Variants in DNAJB5 observed in about 807,000 individuals in gnomAD.
DNAJB5 encodes dnaJ homolog subfamily B member 5.
A neutral mutation model predicts 32.6 loss-of-function variants in DNAJB5; 12 were observed. That is an observed-to-expected ratio of 0.37 (90% CI 0.24 to 0.60). DNAJB5 has a LOEUF of 0.60. Ranked by LOEUF, DNAJB5 falls within the 20% of genes least tolerant of loss-of-function variation. DNAJB5 has a pLI of 0.71. For synonymous variants in DNAJB5, 188 were observed against 212.9 expected (o/e 0.88, Z 1.02); for missense variants, 358 against 554.2 (o/e 0.65, Z 3.55).
In DNAJB5 at chr9:34,996,471, G is replaced by A. The variant is rs781541135; in HGVS notation, c.634G>A (p.Ala212Thr). The change falls in exon 4 of 5, where the codon GCT (alanine) becomes ACT (threonine). Residue 212 changes from alanine (A) to threonine (T), a missense_variant. Transcript: ENST00000682809. The surrounding 1 kb of genome is among the most constrained non-coding windows in gnomAD (Gnocchi z 7.2). ...GGATGAAGATGAGGACCCATTTGGC[G>A]CTTTCGGCCGTTTTGGCTTCAATGG... Reference protein sequence around the residue: ...DVDEDEDPFGAFGRFGFNGLS... With the variant: ...DVDEDEDPFGTFGRFGFNGLS... 11 of 1,614,010 alleles carry A rather than the reference G, an allele frequency of 6.8e-6. No homozygotes were observed. The highest frequency in any genetic ancestry group is 4.5e-5 in the East Asian group (2 of 44,890).
Position 34,997,335 on chromosome 9 carries a change from G to T in DNAJB5, c.*76G>T. 2 of 1,452,098 alleles carry T rather than the reference G, an allele frequency of 1.4e-6. No homozygotes were observed. The highest frequency in any genetic ancestry group is 1.1e-5 in the South Asian group (1 of 87,658). The allele number at this position is 1,452,098 out of a possible 1,614,324, so 90.0% of individuals were successfully genotyped here. A position where few individuals can be genotyped will look rare whatever the true frequency, so the allele number is the denominator to read the frequency against. Reference sequence around the variant, plus strand: ...ACTCCACTCAATGTGCACCCAGCTTGATGTCCACTGGACACTGGCAACTTT... The same window carrying T: ...ACTCCACTCAATGTGCACCCAGCTTTATGTCCACTGGACACTGGCAACTTT... On this transcript the variant is annotated 3_prime_UTR_variant, in exon 5 of 5. Coordinates refer to ENST00000682809, the MANE Select transcript of DNAJB5 (RefSeq NM_001349723.3). This position sits in a 1 kb window ranked among gnomAD's most constrained non-coding sequence, Gnocchi z 4.1.
Position 34,996,471 on chromosome 9 carries a change from G to T in DNAJB5, c.634G>T (p.Ala212Ser), listed in dbSNP as rs781541135. 1 of 1,614,128 alleles carries T rather than the reference G, an allele frequency of 6.2e-7. No homozygotes were observed. Among genetic ancestry groups the T allele is most frequent in the Non-Finnish European group, 8.5e-7 (1 of 1,180,026 alleles). The change falls in exon 4 of 5, where the codon GCT becomes TCT. Residue 212 changes from alanine (A) to serine (S), a missense_variant. Physicochemically the swap from Ala to Ser is moderately conservative, Grantham distance 99. Coordinates refer to ENST00000682809, the MANE Select transcript of DNAJB5 (RefSeq NM_001349723.3). The surrounding 1 kb of genome is among the most constrained non-coding windows in gnomAD (Gnocchi z 7.2). ...GGATGAAGATGAGGACCCATTTGGC[G>T]CTTTCGGCCGTTTTGGCTTCAATGG... ...DVDEDEDPFG[A>S]FGRFGFNGLS...
chr9:34,995,752 C>T (rs1315395056), intron 3 of DNAJB5, among the ~76,000 whole-genome samples: 1 of 152,238 alleles, frequency 6.6e-6, no homozygotes, highest in African/African-American at 2.4e-5. Flanking sequence ...CTGCTAGAAG[C>T]AGAGTGAAAG....
chr9:34,990,159 C>T lies in DNAJB5; in HGVS notation c.-133+328C>T. On this transcript the variant is annotated intron_variant, in intron 1 of 4. Transcript: ENST00000682809. This position sits in a 1 kb window ranked among gnomAD's most constrained non-coding sequence, Gnocchi z 4.5. Reference sequence around the variant, plus strand: ...GACCACCCTCCCCCGCCCGAGCCCCCTCCCCTCCTCTCCTCGCCGCGCCTT... The same window carrying T: ...GACCACCCTCCCCCGCCCGAGCCCCTTCCCCTCCTCTCCTCGCCGCGCCTT... The T allele has an allele frequency of 2.2e-6, 2 of 921,804 alleles. No homozygotes were observed. Among genetic ancestry groups the T allele is most frequent in the South Asian group, 3.5e-5 (2 of 57,900 alleles). 57.1% of individuals were successfully genotyped at this position (921,804 alleles called of 1,614,324 possible).
intron 2 of DNAJB5, chr9:34,991,585 A>T: frequency 3.0e-6 from 1 of 334,324 alleles, no homozygotes. Context: ...AGGGGAAAGA[A>T]GGTGTGGGTT....
Position 34,996,476 on chromosome 9 carries a change from C to T in DNAJB5, c.639C>T (p.Phe213=), listed in dbSNP as rs1275952532. The T allele has an allele frequency of 2.1e-5, 34 of 1,614,010 alleles. No individual in the cohort carries two copies. Among genetic ancestry groups the T allele is most frequent in the Non-Finnish European group, 2.5e-5 (30 of 1,180,030 alleles). The change falls in exon 4 of 5, where the codon TTC becomes TTT. Residue 213 remains phenylalanine, a synonymous_variant. Transcript: ENST00000682809. This position sits in a 1 kb window ranked among gnomAD's most constrained non-coding sequence, Gnocchi z 7.2. The stretch of plus-strand genomic sequence containing the variant: ...AAGATGAGGACCCATTTGGCGCTTT[C>T]GGCCGTTTTGGCTTCAATGGGCTGA... The part of the protein sequence containing the change: ...VDEDEDPFGA[F]GRFGFNGLSR...
intron 2 of DNAJB5, chr9:34,991,677 C>CG (rs948855451): frequency 1.1e-5 from 3 of 260,984 alleles, no homozygotes; most frequent in South Asian, 2.9e-5. Flanking sequence ...TGCCCCCCCC[C>CG]CCAACGAGGT....
chr9:34,996,179 T>C lies in DNAJB5; in HGVS notation c.428-86T>C. The C allele has an allele frequency of 2.0e-6, 3 of 1,518,966 alleles. No individual in the cohort carries two copies. The highest frequency in any genetic ancestry group is 2.6e-6 in the Non-Finnish European group (3 of 1,135,594). 94.1% of individuals were successfully genotyped at this position (1,518,966 alleles called of 1,614,324 possible). ...AAGGTTGCTTCTTTCTTTAAGCCTG[T>C]GAACTGGGAGCTAGAGGGCAGGGGG... On this transcript the variant is annotated intron_variant, in intron 3 of 4. Coordinates refer to ENST00000682809, the MANE Select transcript of DNAJB5 (RefSeq NM_001349723.3). This position sits in a 1 kb window ranked among gnomAD's most constrained non-coding sequence, Gnocchi z 7.2.
downstream of DNAJB5, chr9:34,998,753 G>A (rs1349677967): frequency 2.6e-5 from 4 of 151,164 alleles, no homozygotes; most frequent in East Asian, 5.8e-4. Flanking sequence ...AATTTTCTCT[G>A]AGTCAGACAA....
Position 34,997,371 on chromosome 9 carries a change from C to CA in DNAJB5, c.*120dup, listed in dbSNP as rs759655154. 229 of 1,027,460 alleles carry CA rather than the reference C, an allele frequency of 2.2e-4. No individual in the cohort carries two copies. Among genetic ancestry groups the CA allele is most frequent in the Non-Finnish European group, 3.1e-4 (214 of 682,076 alleles). The allele number at this position is 1,027,460 out of a possible 1,614,324, so 63.6% of individuals were successfully genotyped here. On this transcript the variant is annotated 3_prime_UTR_variant, in exon 5 of 5. Coordinates refer to ENST00000682809, the MANE Select transcript of DNAJB5 (RefSeq NM_001349723.3). This position sits in a 1 kb window ranked among gnomAD's most constrained non-coding sequence, Gnocchi z 4.1. The stretch of plus-strand genomic sequence containing the variant: ...GACACTGGCAACTTTTTCTAAAATG[C>CA]AAAAAAAAGCCACTGGTTTTCAGGA...
Position 34,993,548 on chromosome 9 carries a change from A to G in DNAJB5, c.427+104A>G, listed in dbSNP as rs1392180146. 2 of 1,445,328 alleles carry G rather than the reference A, an allele frequency of 1.4e-6. No homozygotes were observed. The highest frequency in any genetic ancestry group is 1.9e-6 in the Non-Finnish European group (2 of 1,076,330). 89.5% of individuals were successfully genotyped at this position (1,445,328 alleles called of 1,614,324 possible). A position where few individuals can be genotyped will look rare whatever the true frequency, so the allele number is the denominator to read the frequency against. ...GGAACTGGAGGCTGTGGAGGGGGTG[A>G]GGGCAGCAAGGGTTTCCAGCACTGT... On this transcript the variant is annotated intron_variant, in intron 3 of 4. Transcript: ENST00000682809. The surrounding 1 kb of genome is among the most constrained non-coding windows in gnomAD (Gnocchi z 4.7).
At position 34,990,360 on chromosome 9, in the gene DNAJB5, C is replaced by A; in HGVS notation, c.-132-139C>A. The stretch of plus-strand genomic sequence containing the variant: ...ACACCTGTCACAGGTATACACGCTG[C>A]CACTCACAAACACACGCTTGCACTC... On this transcript the variant is annotated intron_variant, in intron 1 of 4. Coordinates refer to ENST00000682809, the MANE Select transcript of DNAJB5 (RefSeq NM_001349723.3). The surrounding 1 kb of genome is among the most constrained non-coding windows in gnomAD (Gnocchi z 4.5). 1 of 1,501,438 alleles carries A rather than the reference C, an allele frequency of 6.7e-7. No homozygotes were observed. The highest frequency in any genetic ancestry group is 8.9e-7 in the Non-Finnish European group (1 of 1,126,114). 93.0% of individuals were successfully genotyped at this position (1,501,438 alleles called of 1,614,324 possible).
Position 34,996,451 on chromosome 9 carries a change from A to G in DNAJB5, c.614A>G (p.Glu205Gly). The G allele has an allele frequency of 6.2e-7, 1 of 1,614,180 alleles. No individual in the cohort carries two copies. The change falls in exon 4 of 5, where the codon GAA becomes GGA. Residue 205 changes from glutamate (E) to glycine (G), a missense_variant. Glu to Gly is a moderately conservative substitution (Grantham distance 98). Around this residue, in one of 2 missense-constraint regions of DNAJB5, gnomAD observed 248 missense variants for 442.6 expected, o/e 0.56. Transcript: ENST00000682809. This position sits in a 1 kb window ranked among gnomAD's most constrained non-coding sequence, Gnocchi z 7.2. ...GACCCAGATGACATGGATGTGGATG[A>G]AGATGAGGACCCATTTGGCGCTTTC... is the stretch of plus-strand genomic sequence containing the variant. ...GFDPDDMDVD[E>G]DEDPFGAFGR...
In DNAJB5 at chr9:34,996,893, G is replaced by T. The variant is rs185135645; in HGVS notation, c.1029+27G>T. The T allele has an allele frequency of 2.4e-5, 39 of 1,592,562 alleles. 1 individual carries two copies. Among genetic ancestry groups the T allele is most frequent in the South Asian group, 7.9e-5 (7 of 88,246 alleles). On this transcript the variant is annotated intron_variant, in intron 4 of 4. Transcript: ENST00000682809. This position sits in a 1 kb window ranked among gnomAD's most constrained non-coding sequence, Gnocchi z 7.2. ...TGGGGCCTAGTCAGGCTGTGTGTGT[G>T]TGCTGGGGAGATGGTGGGGACATTC...
Position 34,997,740 on chromosome 9 carries a change from T to G in DNAJB5, c.*481T>G, listed in dbSNP as rs1827843956. 3.4e-6 allele frequency: 1 copy of G among 292,092 alleles called. No individual in the cohort carries two copies. The highest frequency in any genetic ancestry group is 6.7e-6 in the Non-Finnish European group (1 of 148,258). The allele number at this position is 292,092 out of a possible 1,614,324, so 18.1% of individuals were successfully genotyped here. ...GTGTCCAAGGTAATGGCACACATATTCATGCACAAGAAGCACTCACCTAGA... is the reference window on the plus strand; with the variant it reads ...GTGTCCAAGGTAATGGCACACATATGCATGCACAAGAAGCACTCACCTAGA... On this transcript the variant is annotated 3_prime_UTR_variant, in exon 5 of 5. Coordinates refer to ENST00000682809, the MANE Select transcript of DNAJB5 (RefSeq NM_001349723.3). The surrounding 1 kb of genome is among the most constrained non-coding windows in gnomAD (Gnocchi z 4.1).
chr9:34,989,774 C>G lies in DNAJB5; in HGVS notation c.-190C>G. 4 of 1,231,292 alleles carry G rather than the reference C, an allele frequency of 3.2e-6. No homozygotes were observed. Among genetic ancestry groups the G allele is most frequent in the Non-Finnish European group, 4.1e-6 (4 of 987,592 alleles). The allele number at this position is 1,231,292 out of a possible 1,614,324, so 76.3% of individuals were successfully genotyped here. A position where few individuals can be genotyped will look rare whatever the true frequency, so the allele number is the denominator to read the frequency against. ...CGGGTGGAGGCGGCGGAGCCGGAGC[C>G]GGGGGAGGGGGCAGCGGCTGTCTCA... On this transcript the variant is annotated 5_prime_UTR_variant, in exon 1 of 5. Coordinates refer to ENST00000682809, the MANE Select transcript of DNAJB5 (RefSeq NM_001349723.3).
downstream of DNAJB5, chr9:34,998,883 T>G (rs1265435348): frequency 6.6e-6 from 1 of 150,654 alleles, no homozygotes; most frequent in Non-Finnish European, 1.5e-5. Flanking sequence ...GATGCGATCT[T>G]GGTTCACTGC....
chr9:34,990,342 TCA>T lies in DNAJB5; in HGVS notation c.-132-154_-132-153del, dbSNP rs148067649. On this transcript the variant is annotated intron_variant, in intron 1 of 4. Transcript: ENST00000682809. This position sits in a 1 kb window ranked among gnomAD's most constrained non-coding sequence, Gnocchi z 4.5. Reference sequence around the variant, plus strand: ...TCTCGGGCCCTCACAATCACACCTGTCACAGGTATACACGCTGCCACTCACAA... The same window carrying T: ...TCTCGGGCCCTCACAATCACACCTGTCAGGTATACACGCTGCCACTCACAA... 9,982 of 1,479,866 alleles carry T rather than the reference TCA, an allele frequency of 6.7e-3. 133 individuals are homozygous for T. The highest frequency in any genetic ancestry group is 0.04 in the South Asian group (3,300 of 82,592). 91.7% of individuals were successfully genotyped at this position (1,479,866 alleles called of 1,614,324 possible). A position where few individuals can be genotyped will look rare whatever the true frequency, so the allele number is the denominator to read the frequency against.
chr9:34,992,992 G>A (rs1004252318), intron 2 of DNAJB5: 2 of 1,404,498 alleles, frequency 1.4e-6, no homozygotes, highest in Middle Eastern at 2.6e-4. Context: ...AGGAGGTGAG[G>A]ACGGAATCAC....
Sources: allele counts gnomAD v4.1 joint callset (sites outside exome capture counted in the v4.1 genomes callset), GRCh38; gene constraint gnomAD v4.1.1; regional missense constraint gnomAD v4.1.1; non-coding constraint Gnocchi (gnomAD v3.1); transcripts MANE v1.5; gene names NCBI Gene and HGNC (gene_info 2026-07-23, HGNC 2026-07-21).